CALR3: variants seen among roughly 807,000 people sequenced by gnomAD.
CALR3 encodes calreticulin 3, also known as calreticulin-3.
CALR3 carries 39 observed loss-of-function variants against 48.7 expected under a neutral mutation model. The ratio of observed to expected loss-of-function variants is 0.80; its 90% CI spans 0.62 to 1.05. CALR3 has a LOEUF of 1.05. CALR3 is among the 50% of genes least tolerant of loss of function. The pLI is 0.00. For synonymous variants in CALR3, 185 were observed against 172.7 expected (o/e 1.07, Z -0.56); for missense variants, 449 against 474.7 (o/e 0.95, Z 0.50).
At position 16,490,519 on chromosome 19, in the gene CALR3, T is replaced by C. The variant is rs142951029; in HGVS notation, c.245A>G (p.Lys82Arg). The change falls in exon 3 of 9, where the codon AAA becomes AGA. Residue 82 changes from lysine to arginine, a missense_variant. Transcript: ENST00000269881. ...GRFYAISARF[K>R]PFSNKGKTLV... ...AGTTTTCCCTTTATTGCTGAACGGT[T>C]TGAAGCGTGCAGAGATGGCATAGAA... The C allele has an allele frequency of 9.7e-4, 1,558 of 1,614,168 alleles. 4 individuals carry two copies. The highest frequency in any genetic ancestry group is 1.3e-3 in the Non-Finnish European group (1,493 of 1,180,028).
intron 2 of CALR3, among the ~76,000 whole-genome samples, chr19:16,494,060 T>G (rs928441624): frequency 2.0e-5 from 3 of 151,772 alleles, no homozygotes; most frequent in African/African-American, 7.3e-5. Flanking sequence ...TATCTCTGTA[T>G]TTTTTTCTTT....
intron 3 of CALR3, among the ~76,000 whole-genome samples, chr19:16,488,138 G>A (rs10469468): frequency 0.63 from 95,530 of 151,722 alleles, 30,706 homozygotes; most frequent in South Asian, 0.75. Context: ...TAATAGAAAC[G>A]GGGTTTCTCC....
At chr19:16,483,609 T>G (rs146611478) in intron 5 of CALR3, among the ~76,000 whole-genome samples, 25,556 of 151,880 alleles carry the variant, frequency 0.17, 2,198 homozygotes, top group African/African-American at 0.2. Context: ...TCCCAGGTAT[T>G]CGGGAGGCTG....
At chr19:16,494,775 G>A (rs545356281) in intron 2 of CALR3, among the ~76,000 whole-genome samples, 1 of 152,104 alleles carries the variant, frequency 6.6e-6, no homozygotes, top group Non-Finnish European at 1.5e-5. Context: ...TATTAAGAGG[G>A]GCAATTTTGG....
chr19:16,482,713 A>G lies in CALR3; in HGVS notation c.751T>C (p.Trp251Arg), dbSNP rs1183143020. 9 of 1,613,980 alleles carry G rather than the reference A, an allele frequency of 5.6e-6. No individual in the cohort carries two copies. Among genetic ancestry groups the G allele is most frequent in the African/African-American group, 1.3e-5 (1 of 74,954 alleles). The stretch of plus-strand genomic sequence containing the variant: ...GGCTTCTGGAGCATCGGCGCTGGCC[A>G]GTCCCCATCCAGGTCACCGTTCCAG... ...SDWNGDLDGD[W>R]PAPMLQKPPY... The change falls in exon 6 of 9, where the codon TGG becomes CGG. Residue 251 changes from tryptophan (W) to arginine (R), a missense_variant. Coordinates refer to ENST00000269881, the MANE Select transcript of CALR3 (RefSeq NM_145046.5).
At chr19:16,489,611 C>T (rs1471576365) in intron 3 of CALR3, among the ~76,000 whole-genome samples, 1 of 111,620 alleles carries the variant, frequency 9.0e-6, no homozygotes, top group Admixed American at 1.0e-4. Context: ...AAGAGCGAAA[C>T]TCTGTCTCAA....
chr19:16,484,484 G>A (rs528262353), intron 4 of CALR3, among the ~76,000 whole-genome samples: 4 of 151,302 alleles, frequency 2.6e-5, no homozygotes, highest in East Asian at 2.0e-4. Context: ...GCCAACTCTC[G>A]ATGTTTTAAT....
intron 4 of CALR3, 93 bp from the exon 5 acceptor site, chr19:16,484,208 C>T (rs2093385410): frequency 1.7e-6 from 2 of 1,195,690 alleles, no homozygotes; most frequent in African/African-American, 1.7e-5. Context: ...GATGGAGTCT[C>T]ACTCTGTCGC....
At chr19:16,495,451 C>A (rs1345959033) in intron 2 of CALR3, among the ~76,000 whole-genome samples, 1 of 146,570 alleles carries the variant, frequency 6.8e-6, no homozygotes, top group African/African-American at 2.5e-5. Flanking sequence ...CTCAGCTACT[C>A]GGGAGGCTGA....
intron 1 of CALR3, 41 bp from the exon 2 acceptor site, chr19:16,495,893 G>C: frequency 6.3e-7 from 1 of 1,593,894 alleles, no homozygotes; most frequent in South Asian, 1.1e-5. Flanking sequence ...AGGTGATAAT[G>C]GTTAATTTGG....
At chr19:16,480,023 T>C (rs2093378044) in intron 8 of CALR3, among the ~76,000 whole-genome samples, 1 of 149,184 alleles carries the variant, frequency 6.7e-6, no homozygotes, top group Admixed American at 6.7e-5. Flanking sequence ...GCCAATATGG[T>C]GAAACCCCGT....
In CALR3 at chr19:16,485,746, C is replaced by T. The variant is rs145981002; in HGVS notation, c.398-489G>A. 3.2e-3 allele frequency among the ~76,000 whole-genome samples: 492 copies of T among 152,178 alleles called. 5 individuals carry two copies. The highest frequency in any genetic ancestry group is 0.011 in the African/African-American group (450 of 41,532). On this transcript the variant is annotated intron_variant, in intron 3 of 8. Coordinates refer to ENST00000269881, the MANE Select transcript of CALR3 (RefSeq NM_145046.5). ...TTGGCTCACTGCAGTCTCCGCCTCC[C>T]GGGTTTAAGTGATTCTCCTGCATCA...
intron 8 of CALR3, 27 bp from the exon 9 acceptor site, chr19:16,479,301 C>G (rs777073219): frequency 6.2e-7 from 1 of 1,613,326 alleles, no homozygotes; most frequent in South Asian, 1.1e-5. Context: ...AAAACATAAG[C>G]CCCACCGGGT....
intron 4 of CALR3, among the ~76,000 whole-genome samples, chr19:16,484,693 T>A (rs1460151932): frequency 6.6e-6 from 1 of 151,792 alleles, no homozygotes; most frequent in Admixed American, 6.6e-5. Flanking sequence ...AATTTTTGTA[T>A]TTTTTGTCAT....
At chr19:16,481,681 T>G (rs2093380915) in intron 7 of CALR3, among the ~76,000 whole-genome samples, 1 of 151,822 alleles carries the variant, frequency 6.6e-6, no homozygotes, top group Non-Finnish European at 1.5e-5. Context: ...GTATTTTTAG[T>G]AGAGACGAAG....
intron 3 of CALR3, among the ~76,000 whole-genome samples, chr19:16,489,198 G>T (rs1362796308): frequency 4.6e-5 from 7 of 152,236 alleles, no homozygotes; most frequent in Non-Finnish European, 1.0e-4. Flanking sequence ...CAAAACACAG[G>T]TTGAGGCCAG....
Position 16,491,547 on chromosome 19 carries a change from G to C in CALR3, c.194-977C>G, listed in dbSNP as rs559319352. Among the ~76,000 whole-genome samples, 195 of 151,576 alleles carry C rather than the reference G, an allele frequency of 1.3e-3. 1 individual carries two copies. The highest frequency in any genetic ancestry group is 4.6e-3 in the African/African-American group (190 of 41,444). On this transcript the variant is annotated intron_variant, in intron 2 of 8. Transcript: ENST00000269881. ...TAATCCCAGCACTTTGGGAGGCTGAGGCAGGCGGATCACGGGGTCAGGAGT... is the reference window on the plus strand; with the variant it reads ...TAATCCCAGCACTTTGGGAGGCTGACGCAGGCGGATCACGGGGTCAGGAGT...
At chr19:16,482,353 T>C in intron 7 of CALR3, 97 bp downstream of exon 7, 1 of 1,549,996 alleles carries the variant, frequency 6.5e-7, no homozygotes, top group Non-Finnish European at 8.8e-7. Flanking sequence ...CACTCCAGCC[T>C]AGGTGACAGA....
Position 16,483,982 on chromosome 19 carries a change from G to A in CALR3, c.626C>T (p.Thr209Met), listed in dbSNP as rs746871999. ...CCAATCCTTCGATTCTGCCGGGGAC[G>A]TTTCCTTCTTGAGTGATGTTAAGTT... ...DWNLTSLKKE[T>M]SPAESKDWEQ... is the part of the protein sequence containing the mutation. Residue 209 changes from threonine (T) to methionine (M), a missense_variant, in exon 5 of 9, where the codon ACG becomes ATG. Physicochemically the swap from Thr to Met is moderately conservative, Grantham distance 81. Coordinates refer to ENST00000269881, the MANE Select transcript of CALR3 (RefSeq NM_145046.5). 2.9e-5 allele frequency: 46 copies of A among 1,613,850 alleles called. No individual in the cohort carries two copies. The highest frequency in any genetic ancestry group is 4.0e-5 in the African/African-American group (3 of 74,858).
Sources: gnomAD v4.1 joint callset for allele counts (sites outside exome capture counted in the v4.1 genomes callset) on GRCh38, gnomAD v4.1.1 for gene constraint, MANE v1.5 for transcripts, NCBI Gene and HGNC (gene_info 2026-07-23, HGNC 2026-07-21) for gene names.